The following DHX57 variants were observed in gnomAD, a reference collection of about 807,000 sequenced individuals.
DHX57 encodes the protein putative ATP-dependent RNA helicase DHX57.
In DHX57, 105 loss-of-function variants were observed where a neutral mutation model predicts 156.2. The ratio of observed to expected loss-of-function variants is 0.67; its 90% confidence interval spans 0.57 to 0.79. The LOEUF (loss-of-function observed/expected upper bound fraction) is 0.79, where lower values mean the gene tolerates loss of function less well. Ranked by LOEUF, DHX57 falls within the 30% of genes least tolerant of loss-of-function variation. The pLI, the probability that DHX57 is intolerant of heterozygous loss-of-function variation, is 0.00. For missense variants in DHX57, 1,847 were observed against 1,661.9 expected (o/e 1.11, Z -1.94); for synonymous variants, 704 against 595.6 (o/e 1.18, Z -2.65).
intron 2 of DHX57, among the ~76,000 whole-genome samples, chr2:38,866,850 C>T (rs1257091866): frequency 6.6e-6 from 1 of 152,150 alleles, no homozygotes; most frequent in Non-Finnish European, 1.5e-5. Context: ...CGCTTGAGCC[C>T]AGGAGTTCAA....
At chr2:38,866,005 G>C (rs561382976) in intron 2 of DHX57, among the ~76,000 whole-genome samples, 3 of 152,276 alleles carry the variant, frequency 2.0e-5, no homozygotes, top group Non-Finnish European at 4.4e-5. Context: ...GGGAAGAAGA[G>C]GGAGGAAGGG....
At chr2:38,838,887 T>C (rs940842543) in intron 12 of DHX57, 4 of 417,006 alleles carry the variant, frequency 9.6e-6, no homozygotes, top group Non-Finnish European at 1.9e-5. Context: ...TGGTAAACGA[T>C]GTAGTTCTAT....
intron 5 of DHX57, among the ~76,000 whole-genome samples, chr2:38,860,519 T>C (rs1240931918): frequency 6.6e-6 from 1 of 151,992 alleles, no homozygotes; most frequent in African/African-American, 2.4e-5. Context: ...CCTGCACAAG[T>C]ATTTGAGGAT....
chr2:38,845,630 G>A (rs1233192100), intron 11 of DHX57, among the ~76,000 whole-genome samples: 1 of 152,152 alleles, frequency 6.6e-6, no homozygotes, highest in Non-Finnish European at 1.5e-5. Context: ...GTCTAAGGTA[G>A]CCAAGGGAGA....
At chr2:38,813,950 C>G in intron 20 of DHX57, 55 bp from the exon 21 acceptor site, 1 of 1,581,702 alleles carries the variant, frequency 6.3e-7, no homozygotes, top group Admixed American at 1.7e-5. Flanking sequence ...TCTTTTTTTT[C>G]TTTTTGAGAT....
chr2:38,813,732 T>G (rs1428240966), intron 21 of DHX57, 89 bp downstream of exon 21: 62 of 1,458,510 alleles, frequency 4.3e-5, no homozygotes, highest in Non-Finnish European at 5.3e-5. Flanking sequence ...TATATCTCTT[T>G]AAGATGATTA....
chr2:38,849,234 A>G (rs926807755), intron 9 of DHX57, among the ~76,000 whole-genome samples: 40 of 152,246 alleles, frequency 2.6e-4, no homozygotes, highest in Non-Finnish European at 1.0e-4. Context: ...GATACAAGGA[A>G]TAAGGTAGAG....
intron 2 of DHX57, among the ~76,000 whole-genome samples, chr2:38,863,750 C>G (rs113623443): frequency 1.3e-5 from 2 of 152,138 alleles, no homozygotes; most frequent in African/African-American, 4.8e-5. Flanking sequence ...CAGTGGCTCA[C>G]GCCTGTAATC....
At chr2:38,856,234 T>C (rs1054033940) in intron 7 of DHX57, 106 bp downstream of exon 7, 3 of 1,464,172 alleles carry the variant, frequency 2.0e-6, no homozygotes, top group Non-Finnish European at 1.8e-6. Context: ...GTATATAATA[T>C]CTATAAATCC....
At chr2:38,817,741 A>C (rs1670616574) in intron 19 of DHX57, among the ~76,000 whole-genome samples, 1 of 152,114 alleles carries the variant, frequency 6.6e-6, no homozygotes, top group Non-Finnish European at 1.5e-5. Flanking sequence ...CTGTTGGCCT[A>C]GGCTGGAGTA....
chr2:38,848,143 T>C, intron 10 of DHX57, 126 bp downstream of exon 10: 1 of 1,090,884 alleles, frequency 9.2e-7, no homozygotes, highest in Non-Finnish European at 1.3e-6. Flanking sequence ...ATATGGTTTA[T>C]GATTTTATGT....
At chr2:38,867,324 A>G (rs956596064) in intron 2 of DHX57, 1 of 152,256 alleles carries the variant, frequency 6.6e-6, no homozygotes, top group African/African-American at 2.4e-5. Context: ...GCCTAATTGT[A>G]GTTATACTGT....
At chr2:38,827,583 C>T (rs756335614) in intron 14 of DHX57, among the ~76,000 whole-genome samples, 10 of 142,788 alleles carry the variant, frequency 7.0e-5, no homozygotes, top group Non-Finnish European at 1.4e-4. Flanking sequence ...TACATACACA[C>T]ACACAGAGAA....
chr2:38,824,456 C>T lies in DHX57; in HGVS notation c.3015-1187G>A, dbSNP rs1558369373. 2.6e-5 allele frequency among the ~76,000 whole-genome samples: 4 copies of T among 152,054 alleles called. No homozygotes were observed. In the South Asian group the frequency reaches 6.2e-4, roughly 24 times the overall value. On this transcript the variant is annotated intron_variant, in intron 16 of 23. Coordinates refer to ENST00000457308, the MANE Select transcript of DHX57 (RefSeq NM_198963.3). Reference sequence around the variant, plus strand: ...TGTACAACATTATGCCTATAGTTAACGGTACTGTGTTGTAAAATTAAACAT... The same window carrying T: ...TGTACAACATTATGCCTATAGTTAATGGTACTGTGTTGTAAAATTAAACAT...
Position 38,861,761 on chromosome 2 carries a change from G to T in DHX57, c.649C>A (p.Leu217Ile), listed in dbSNP as rs1673233469. 6.2e-7 allele frequency: 1 copy of T among 1,614,060 alleles called. No individual in the cohort carries two copies. Residue 217 changes from leucine to isoleucine, a missense_variant, in exon 5 of 24, where the codon CTC becomes ATC. Transcript: ENST00000457308. ...GTCTCTGAAAAACACTGGGTAAGGAGATGCTCTAGTGATGCTCCCACATCT... is the reference window on the plus strand; with the variant it reads ...GTCTCTGAAAAACACTGGGTAAGGATATGCTCTAGTGATGCTCCCACATCT... Reference protein sequence around the residue: ...DGDVGASLEHLLTQCFSETFG... With the variant: ...DGDVGASLEHILTQCFSETFG...
At position 38,861,788 on chromosome 2, in the gene DHX57, C is replaced by T. The variant is rs1419909426; in HGVS notation, c.622G>A (p.Gly208Arg). 3.1e-6 allele frequency: 5 copies of T among 1,613,622 alleles called. No individual in the cohort carries two copies. The highest frequency in any genetic ancestry group is 2.7e-5 in the African/African-American group (2 of 74,920). The change falls in exon 5 of 24, where the codon GGA becomes AGA. Residue 208 changes from glycine to arginine, a missense_variant. Gly to Arg is a moderately radical substitution (Grantham distance 125). Transcript: ENST00000457308. ...RCQAVLRMCD[G>R]DVGASLEHLL... The stretch of plus-strand genomic sequence containing the variant: ...TGCTCTAGTGATGCTCCCACATCTC[C>T]ATCACACATCCTCAGGACCGCTTGA...
At position 38,815,648 on chromosome 2, in the gene DHX57, G is replaced by A. The variant is rs1253794276; in HGVS notation, c.3479C>T (p.Ala1160Val). 6 of 1,613,944 alleles carry A rather than the reference G, an allele frequency of 3.7e-6. No homozygotes were observed. The East Asian group carries it at 1.3e-4, about 36-fold the overall frequency. Residue 1160 changes from alanine (A) to valine (V), a missense_variant, in exon 20 of 24, where the codon GCC (alanine) becomes GTC (valine). Transcript: ENST00000457308. ...TTCCGTGAATTGTCGTTTGAGGCTG[G>A]CCATTTCCTGAAAGAAGTGGAAAAA... is the stretch of plus-strand genomic sequence containing the variant. ...FLSGRVLQEM[A>V]SLKRQFTELL...
intron 21 of DHX57, among the ~76,000 whole-genome samples, chr2:38,808,016 G>A (rs867185121): frequency 1.6e-4 from 21 of 132,788 alleles, no homozygotes; most frequent in African/African-American, 3.7e-4. Context: ...GTGCAGTGGC[G>A]TGATGTTGGC....
At chr2:38,818,756 C>G in intron 19 of DHX57, 121 bp downstream of exon 19, 1 of 1,179,152 alleles carries the variant, frequency 8.5e-7, no homozygotes, top group Non-Finnish European at 1.2e-6. Flanking sequence ...CTGGTAAGGC[C>G]AAACATATTC....
Sources: allele counts gnomAD v4.1 joint callset (sites outside exome capture counted in the v4.1 genomes callset), GRCh38; gene constraint gnomAD v4.1.1; transcripts MANE v1.5; gene names NCBI Gene and HGNC (gene_info 2026-07-23, HGNC 2026-07-21).